MYO3B: variants seen among roughly 807,000 people sequenced by gnomAD.
MYO3B encodes the protein myosin-IIIb.
MYO3B carries 156 observed loss-of-function variants against 174.6 expected under a neutral mutation model. The ratio of observed to expected loss-of-function variants is 0.89; its 90% CI spans 0.78 to 1.02. The LOEUF (loss-of-function observed/expected upper bound fraction) is 1.02. Among genes scored for constraint, MYO3B ranks in the 50% least tolerant of loss-of-function variants. The pLI is 0.00. For missense variants in MYO3B, 1,632 were observed against 1,639.4 expected, an observed-to-expected ratio of 1.00 and a Z score of 0.08; for synonymous variants, 563 against 569.1, an observed-to-expected ratio of 0.99 and a Z score of 0.15.
intron 32 of MYO3B, among the ~76,000 whole-genome samples, chr2:170,605,366 G>A (rs921027497): frequency 3.3e-5 from 5 of 152,114 alleles, no homozygotes; most frequent in Admixed American, 1.3e-4. Flanking sequence ...TTCCAGTGAT[G>A]TGTTGATGAT....
At chr2:170,486,602 A>G (rs1377643643) in intron 25 of MYO3B, among the ~76,000 whole-genome samples, 1 of 152,190 alleles carries the variant, frequency 6.6e-6, no homozygotes, top group Non-Finnish European at 1.5e-5. Flanking sequence ...TGCCTGGCTT[A>G]GAATCCATTC....
At chr2:170,598,960 C>T (rs1694317302) in intron 32 of MYO3B, among the ~76,000 whole-genome samples, 2 of 152,142 alleles carry the variant, frequency 1.3e-5, no homozygotes, top group East Asian at 1.9e-4. Flanking sequence ...TCCTCTTTGC[C>T]TCAAGTCCTT....
intron 7 of MYO3B, among the ~76,000 whole-genome samples, chr2:170,242,468 G>A (rs1481678724): frequency 6.6e-6 from 1 of 152,160 alleles, no homozygotes; most frequent in Non-Finnish European, 1.5e-5. Flanking sequence ...TGCCCCAGAA[G>A]GCTTTCACTC....
rs1415682597 is a variant in MYO3B at position 170,519,471 on chromosome 2, C to G, written c.3506C>G (p.Ser1169Ter). Residue 1169 changes from serine to a stop codon, truncating the protein, a stop_gained, in exon 30 of 35, where the codon TCA becomes TGA. Coordinates refer to ENST00000408978, the MANE Select transcript of MYO3B (RefSeq NM_138995.5). LOFTEE classifies it high-confidence loss of function. ...LRGSVHRRSH[S>*]QAESNNGRTQ... ...GGCTCTGTACATCGTAGGAGCCATT[C>G]ACAAGCAGAATCCAACAATGGCCGT... The G allele has an allele frequency of 7.4e-6, 12 of 1,613,760 alleles. No homozygotes were observed. Among genetic ancestry groups the G allele is most frequent in the Non-Finnish European group, 6.8e-6 (8 of 1,179,970 alleles).
At chr2:170,554,554 G>A (rs1691154886) in intron 32 of MYO3B, among the ~76,000 whole-genome samples, 1 of 152,194 alleles carries the variant, frequency 6.6e-6, no homozygotes, top group Non-Finnish European at 1.5e-5. Context: ...CATACCTCAG[G>A]AAAAACCTTT....
rs201346091 is a variant in MYO3B, at chr2:170,401,481, C to T, written c.1919C>T (p.Ala640Val). 3 of 1,613,960 alleles carry T rather than the reference C, an allele frequency of 1.9e-6. No individual in the cohort carries two copies. The highest frequency in any genetic ancestry group is 2.5e-6 in the Non-Finnish European group (3 of 1,179,844). The change falls in exon 18 of 35, where the codon GCT (alanine) becomes GTT (valine). Residue 640 changes from alanine (A) to valine (V), a missense_variant and splice_region_variant. Transcript: ENST00000408978. ...GTGTTATCCTTACTCTTTGTTTCAG[C>T]TGCCTCTGTTCTGTGCATTAGCCCT... ...EVPNAEALQNAASVLCISPEE... is the reference protein window; with the variant it reads ...EVPNAEALQNVASVLCISPEE...
intron 33 of MYO3B, 151 bp downstream of exon 33, chr2:170,651,885 A>G (rs1218998406): frequency 2.9e-6 from 2 of 679,764 alleles, no homozygotes; most frequent in Admixed American, 3.4e-5. Flanking sequence ...TGTTGCTTTC[A>G]TGTCAGGATG....
At position 170,499,698 on chromosome 2, in the gene MYO3B, T is replaced by C. The variant is rs1188057939; in HGVS notation, c.3179T>C (p.Val1060Ala). The change falls in exon 27 of 35, where the codon GTC (valine) becomes GCC (alanine). Residue 1060 changes from valine (V) to alanine (A), a missense_variant. Transcript: ENST00000408978. ...CAATTAAATTTGCTGCTTCGAGAAG[T>C]CATAGGCAGAGTGGTTGTGCTGCAG... Reference protein sequence around the residue: ...VEQLNLLLREVIGRVVVLQAY... With the variant: ...VEQLNLLLREAIGRVVVLQAY... 2 of 1,614,114 alleles carry C rather than the reference T, an allele frequency of 1.2e-6. No homozygotes were observed. Among genetic ancestry groups the C allele is most frequent in the Non-Finnish European group, 1.7e-6 (2 of 1,179,994 alleles).
At chr2:170,386,981 G>A (rs550958205) in intron 13 of MYO3B, 125 bp from the exon 14 acceptor site, 16 of 808,332 alleles carry the variant, frequency 2.0e-5, no homozygotes, top group African/African-American at 1.7e-4. Context: ...TGATGCTAAC[G>A]TCCCCCAAAT....
intron 32 of MYO3B, among the ~76,000 whole-genome samples, chr2:170,568,419 T>G (rs1692213966): frequency 6.6e-6 from 1 of 152,232 alleles, no homozygotes; most frequent in African/African-American, 2.4e-5. Context: ...TTCAGAAATT[T>G]TCTAGCAAAT....
chr2:170,231,623 C>T (rs1407390519), intron 6 of MYO3B, among the ~76,000 whole-genome samples: 2 of 152,226 alleles, frequency 1.3e-5, no homozygotes, highest in Non-Finnish European at 2.9e-5. Context: ...CAAACAATTG[C>T]TCTGTCGCTG....
At chr2:170,569,110 G>A (rs1435786560) in intron 32 of MYO3B, among the ~76,000 whole-genome samples, 1 of 118,182 alleles carries the variant, frequency 8.5e-6, no homozygotes, top group Non-Finnish European at 1.8e-5. Context: ...TTATAAAATT[G>A]CGAACGTTTT....
intron 30 of MYO3B, among the ~76,000 whole-genome samples, chr2:170,524,214 G>A (rs1486718732): frequency 2.0e-5 from 3 of 152,072 alleles, no homozygotes; most frequent in Admixed American, 1.3e-4. Context: ...TTCTGGGTTG[G>A]TGTTACTCAC....
chr2:170,372,118 C>CAAAAAAAAAAAAAAAAAAAA (rs769243145), intron 9 of MYO3B, among the ~76,000 whole-genome samples: 1 of 22,206 alleles, frequency 4.5e-5, no homozygotes, highest in African/African-American at 1.2e-4. Flanking sequence ...GACCCTGTCT[C>CAAAAAAAAAAAAAAAAAAAA]AAAAAAAAAA....
At chr2:170,553,145 G>T (rs913740420) in intron 32 of MYO3B, among the ~76,000 whole-genome samples, 2 of 152,186 alleles carry the variant, frequency 1.3e-5, no homozygotes, top group African/African-American at 4.8e-5. Context: ...GAAATGTGGG[G>T]TTGGAGCCCC....
chr2:170,284,777 G>A (rs1437954056), intron 7 of MYO3B, among the ~76,000 whole-genome samples: 3 of 152,228 alleles, frequency 2.0e-5, no homozygotes, highest in East Asian at 3.9e-4. Flanking sequence ...TAAATCAAAT[G>A]TAATAAGGGT....
At chr2:170,275,330 T>C (rs2093456770) in intron 7 of MYO3B, among the ~76,000 whole-genome samples, 1 of 152,226 alleles carries the variant, frequency 6.6e-6, no homozygotes, top group Non-Finnish European at 1.5e-5. Flanking sequence ...AACATGTTTC[T>C]TTATTTCAAG....
At chr2:170,252,234 G>GA (rs2093261219) in intron 7 of MYO3B, among the ~76,000 whole-genome samples, 1 of 152,096 alleles carries the variant, frequency 6.6e-6, no homozygotes, top group South Asian at 2.1e-4. Context: ...TATTAAAAAG[G>GA]AAAAAACCCA....
intron 7 of MYO3B, among the ~76,000 whole-genome samples, chr2:170,274,387 CT>C (rs2093448147): frequency 6.6e-6 from 1 of 152,110 alleles, no homozygotes; most frequent in African/African-American, 2.4e-5. Context: ...TTAACTCAAG[CT>C]TTTTGAAGCA....
Sources: gnomAD v4.1 joint callset for allele counts (sites outside exome capture counted in the v4.1 genomes callset) on GRCh38, gnomAD v4.1.1 for gene constraint, MANE v1.5 for transcripts, NCBI Gene and HGNC (gene_info 2026-07-23, HGNC 2026-07-21) for gene names.